Variants in TRABD2A observed in about 807,000 individuals in gnomAD.
TRABD2A encodes TraB domain containing 2A.
Under a neutral mutation model 45.6 loss-of-function variants are expected in TRABD2A, and 43 were observed. The observed-to-expected ratio is 0.94, with a 90% CI of 0.74 to 1.22. The LOEUF (loss-of-function observed/expected upper bound fraction) is 1.22, where lower values mean the gene tolerates loss of function less well. TRABD2A is among the 50% of genes most tolerant of loss of function. TRABD2A has a pLI of 0.00. For missense variants in TRABD2A, 642 were observed against 652.4 expected, an observed-to-expected ratio of 0.98 and a Z score of 0.17; for synonymous variants, 269 against 265.0, an observed-to-expected ratio of 1.02 and a Z score of -0.15.
rs367773572 is a variant in TRABD2A at position 84,871,398 on chromosome 2, C to T, written c.109-613G>A. On this transcript the variant is annotated intron_variant, in intron 1 of 6. Transcript: ENST00000409520. ...CAACTCTAGCTATGCACTGGAATCA[C>T]CCCCAAAGCTTTTGAAAGTCCAATG... Among the ~76,000 whole-genome samples the T allele has an allele frequency of 1.3e-3, 193 of 152,312 alleles. 6 individuals are homozygous for T. In the South Asian group the frequency reaches 0.037, roughly 29 times the overall value.
At chr2:84,836,751 T>A (rs1681525512) in intron 4 of TRABD2A, 1 of 152,302 alleles carries the variant, frequency 6.6e-6, no homozygotes, top group South Asian at 2.1e-4. Context: ...TTTCTCTTTC[T>A]CATACTGAAT....
At chr2:84,843,639 T>C (rs1356141118) in intron 2 of TRABD2A, 1 of 152,492 alleles carries the variant, frequency 6.6e-6, no homozygotes, top group Non-Finnish European at 1.5e-5. Context: ...TCTTGCTGCA[T>C]CCTCACATGG....
intron 5 of TRABD2A, 49 bp from the exon 6 acceptor site, chr2:84,824,253 T>A: frequency 1.2e-6 from 2 of 1,605,426 alleles, no homozygotes; most frequent in Non-Finnish European, 1.7e-6. Flanking sequence ...TCACACAGCA[T>A]GGCGCCCTCC....
At chr2:84,864,009 A>ATT (rs532572108) in intron 2 of TRABD2A, among the ~76,000 whole-genome samples, 34 of 148,472 alleles carry the variant, frequency 2.3e-4, no homozygotes, top group Non-Finnish European at 4.9e-4. Flanking sequence ...ATCATAGTCA[A>ATT]TTTTTTTTTT....
intron 2 of TRABD2A, among the ~76,000 whole-genome samples, chr2:84,844,562 C>T (rs114080926): frequency 0.014 from 2,062 of 152,298 alleles, 55 homozygotes; most frequent in African/African-American, 0.048. Flanking sequence ...CACCCGGGTG[C>T]TTGTCTGCAA....
rs759052762 is a variant in TRABD2A at position 84,880,960 on chromosome 2, C to G, written c.80G>C (p.Gly27Ala). ...GGGCTTGAGCTCGCAGTTGGCGGTG[C>G]CGGGCGCCCCGCGCCGCGAAGCTGC... ...TGAASRRGAP[G>A]TANCELKPQQ... The change falls in exon 1 of 7, where the codon GGC becomes GCC. Residue 27 changes from glycine (G) to alanine (A), a missense_variant. Gly to Ala is a moderately conservative substitution (Grantham distance 60). Transcript: ENST00000409520. 1.9e-6 allele frequency: 3 copies of G among 1,598,870 alleles called. No individual in the cohort carries two copies. The African/African-American group carries it at 4.0e-5, about 21-fold the overall frequency.
At chr2:84,857,676 A>T (rs1480251767) in intron 2 of TRABD2A, among the ~76,000 whole-genome samples, 1 of 152,078 alleles carries the variant, frequency 6.6e-6, no homozygotes, top group African/African-American at 2.4e-5. Flanking sequence ...GAAGCAACTC[A>T]ATAAGTCAAA....
intron 2 of TRABD2A, among the ~76,000 whole-genome samples, chr2:84,867,160 A>C (rs942669977): frequency 6.6e-6 from 1 of 152,102 alleles, no homozygotes; most frequent in African/African-American, 2.4e-5. Flanking sequence ...CATGAAAAAA[A>C]GACTTTTAAG....
At chr2:84,831,465 T>C (rs1247254430) in intron 5 of TRABD2A, among the ~76,000 whole-genome samples, 2 of 151,538 alleles carry the variant, frequency 1.3e-5, no homozygotes, top group South Asian at 2.1e-4. Flanking sequence ...ACAGCATTGC[T>C]GAGGGCTGGG....
chr2:84,854,896 C>A (rs1364947907), intron 2 of TRABD2A, among the ~76,000 whole-genome samples: 1 of 152,146 alleles, frequency 6.6e-6, no homozygotes, highest in Non-Finnish European at 1.5e-5. Flanking sequence ...ACAAAACCAT[C>A]CTTGGATTAC....
chr2:84,836,434 C>T (rs1681513122), intron 4 of TRABD2A: 1 of 152,142 alleles, frequency 6.6e-6, no homozygotes, highest in Admixed American at 6.5e-5. Context: ...ATTGGGGATC[C>T]CTTGTCTGCT....
intron 1 of TRABD2A, chr2:84,879,590 C>T (rs992576567): frequency 8.9e-5 from 88 of 985,170 alleles, no homozygotes; most frequent in Non-Finnish European, 9.4e-5. Context: ...TATCCAGACT[C>T]ACTCGTCATA....
At chr2:84,822,831 C>T (rs547181379) in intron 6 of TRABD2A, among the ~76,000 whole-genome samples, 2 of 152,322 alleles carry the variant, frequency 1.3e-5, no homozygotes, top group East Asian at 3.9e-4. Flanking sequence ...CTGCTTCAAA[C>T]CTTTCAATGG....
chr2:84,823,877 C>T (rs1234062462), intron 6 of TRABD2A, 76 bp downstream of exon 6: 4 of 1,559,960 alleles, frequency 2.6e-6, no homozygotes, highest in Non-Finnish European at 3.5e-6. Flanking sequence ...CCATTGCAAC[C>T]AGTGTGAGGG....
chr2:84,856,407 C>T (rs1197513804), intron 2 of TRABD2A, among the ~76,000 whole-genome samples: 1 of 152,110 alleles, frequency 6.6e-6, no homozygotes, highest in Non-Finnish European at 1.5e-5. Flanking sequence ...TCCTTCTTGT[C>T]ATGTGAATGG....
At chr2:84,854,931 A>G (rs1199648316) in intron 2 of TRABD2A, among the ~76,000 whole-genome samples, 3 of 152,106 alleles carry the variant, frequency 2.0e-5, no homozygotes, top group African/African-American at 4.8e-5. Flanking sequence ...TACTGGGTGT[A>G]CCAAAGGTGT....
At chr2:84,845,933 A>G (rs1681880698) in intron 2 of TRABD2A, among the ~76,000 whole-genome samples, 1 of 152,136 alleles carries the variant, frequency 6.6e-6, no homozygotes, top group Non-Finnish European at 1.5e-5. Context: ...TCTTGAAAAG[A>G]TGGGTGGAAA....
chr2:84,841,054 CCCT>C (rs767091830), intron 3 of TRABD2A, among the ~76,000 whole-genome samples: 3 of 152,192 alleles, frequency 2.0e-5, no homozygotes, highest in Non-Finnish European at 4.4e-5. Flanking sequence ...CTCCTGTCTC[CCCT>C]CTCCAGTGTC....
At chr2:84,850,889 C>T (rs1219886956) in intron 2 of TRABD2A, 1 of 152,308 alleles carries the variant, frequency 6.6e-6, no homozygotes, top group Non-Finnish European at 1.5e-5. Flanking sequence ...GCTGGCCTGA[C>T]CAGCCACAGG....
Sources: gnomAD v4.1 joint callset for allele counts (sites outside exome capture counted in the v4.1 genomes callset) on GRCh38, gnomAD v4.1.1 for gene constraint, MANE v1.5 for transcripts, NCBI Gene and HGNC (gene_info 2026-07-23, HGNC 2026-07-21) for gene names.